PCNT: variants seen among roughly 807,000 people sequenced by gnomAD.
PCNT encodes kendrin.
In PCNT, 319 loss-of-function variants were observed where a neutral mutation model predicts 380.4. The observed-to-expected ratio is 0.84, with a 90% CI of 0.77 to 0.92. PCNT has a LOEUF of 0.92. Ranked by LOEUF, PCNT falls within the 40% of genes least tolerant of loss-of-function variation. PCNT has a pLI of 0.00. For missense variants in PCNT, 4,400 were observed against 4,255.3 expected (o/e 1.03, Z -0.95); for synonymous variants, 1,845 against 1,735.2 (o/e 1.06, Z -1.57).
At chr21:46,422,405 G>GGCCTGTGCCTCTCTCCC (rs995023163) in intron 32 of PCNT, among the ~76,000 whole-genome samples, 2 of 142,186 alleles carry the variant, frequency 1.4e-5, no homozygotes, top group African/African-American at 6.0e-5. Context: ...TCGCAGAGCC[G>GGCCTGTGCCTCTCTCCC]GCCTGTGCCT....
rs1243862144 is a variant in PCNT, at chr21:46,441,056, G to A, written c.9595G>A (p.Ala3199Thr). 2 of 1,613,514 alleles carry A rather than the reference G, an allele frequency of 1.2e-6. No individual in the cohort carries two copies. Among genetic ancestry groups the A allele is most frequent in the Non-Finnish European group, 1.7e-6 (2 of 1,179,532 alleles). The change falls in exon 43 of 47, where the codon GCC (alanine) becomes ACC (threonine). Residue 3199 changes from alanine (A) to threonine (T), a missense_variant. Ala to Thr is a moderately conservative substitution (Grantham distance 58). Transcript: ENST00000359568. ...TCGTCCTTTCACCAGGTTCCGCACG[G>A]CCGTCAGGGTGGTCATTGCAATATT... ...TSRPFTRFRTAVRVVIAILRL... is the reference protein window; with the variant it reads ...TSRPFTRFRTTVRVVIAILRL...
rs530393017 is a variant in PCNT at position 46,367,331 on chromosome 21, C to T, written c.3165+192C>T. 2.7e-3 allele frequency among the ~76,000 whole-genome samples: 406 copies of T among 148,448 alleles called. 2 individuals carry two copies. Among genetic ancestry groups the T allele is most frequent in the African/African-American group, 9.5e-3 (383 of 40,342 alleles). The stretch of plus-strand genomic sequence containing the variant: ...TGGGCTTTTTTTTTTTTTTTTGAGC[C>T]GGAGTCTCACTCTTTCGCCAGGCTG... On this transcript the variant is annotated intron_variant, in intron 15 of 46. Coordinates refer to ENST00000359568, the MANE Select transcript of PCNT (RefSeq NM_006031.6).
At chr21:46,428,360 C>G in intron 34 of PCNT, 35 bp from the exon 35 acceptor site, 1 of 1,596,258 alleles carries the variant, frequency 6.3e-7, no homozygotes, top group Non-Finnish European at 8.6e-7. Context: ...GGTGGCTGCC[C>G]AATGCTCAGG....
Position 46,427,649 on chromosome 21 carries a change from AGAGGGGACCTTCT to A in PCNT, c.7350_7362del (p.Arg2450SerfsTer77), listed in dbSNP as rs754914685. The A allele has an allele frequency of 6.2e-7, 1 of 1,613,858 alleles. No individual in the cohort carries two copies. Among genetic ancestry groups the A allele is most frequent in the Non-Finnish European group, 8.5e-7 (1 of 1,180,010 alleles). The stretch of plus-strand genomic sequence containing the variant: ...AGTGCCCACCGCGTGCCCCGATTGG[AGAGGGGACCTTCT>A]GCAGGTTGTGCAAGAGGCCTTTGAA... On this transcript the variant is annotated frameshift_variant, in exon 34 of 47. Coordinates refer to ENST00000359568, the MANE Select transcript of PCNT (RefSeq NM_006031.6). LOFTEE classifies it high-confidence loss of function.
At position 46,397,401 on chromosome 21, in the gene PCNT, C is replaced by T. The variant is rs772208866; in HGVS notation, c.4353C>T (p.Arg1451=). 8 of 1,614,144 alleles carry T rather than the reference C, an allele frequency of 5.0e-6. No homozygotes were observed. In the Admixed American group the frequency reaches 5.0e-5, roughly 10 times the overall value. Residue 1451 remains arginine, a synonymous_variant, in exon 22 of 47, where the codon CGC becomes CGT. Transcript: ENST00000359568. ...TAGAAGAACAGCTGTCTCAGCATCG[C>T]GGGTGTGCCAAGCAGGCGGAGGCCG... The part of the protein sequence containing the change: ...SELEEQLSQH[R]GCAKQAEAVT...
intron 31 of PCNT, among the ~76,000 whole-genome samples, chr21:46,419,523 GT>G (rs2087159597): frequency 1.3e-5 from 2 of 152,242 alleles, no homozygotes; most frequent in South Asian, 4.1e-4. Flanking sequence ...CACAGCCAAG[GT>G]TTGCCCTTAA....
intron 2 of PCNT, among the ~76,000 whole-genome samples, chr21:46,330,989 T>C (rs182761265): frequency 2.0e-5 from 3 of 152,300 alleles, no homozygotes; most frequent in South Asian, 4.1e-4. Flanking sequence ...GAGAGTCTAG[T>C]GAGCTTATTG....
chr21:46,344,369 C>T (rs796298984), intron 3 of PCNT, among the ~76,000 whole-genome samples: 19 of 152,316 alleles, frequency 1.2e-4, no homozygotes, highest in African/African-American at 2.2e-4. Flanking sequence ...CCACCGCGCC[C>T]GGCCCGAGCT....
At position 46,326,316 on chromosome 21, in the gene PCNT, G is replaced by T; in HGVS notation, c.55-61G>T. 8 of 1,519,324 alleles carry T rather than the reference G, an allele frequency of 5.3e-6. No individual in the cohort carries two copies. The South Asian group carries it at 6.9e-5, about 13-fold the overall frequency. 94.1% of individuals were successfully genotyped at this position (1,519,324 alleles called of 1,614,324 possible). On this transcript the variant is annotated intron_variant, in intron 1 of 46. Transcript: ENST00000359568. ...GTCCCCACCAGTCTGTTGACTTTGT[G>T]GTTCTGTTATTTTTTTCTCACTTAC...
At chr21:46,404,946 T>C (rs1161519283) in intron 27 of PCNT, among the ~76,000 whole-genome samples, 1 of 151,820 alleles carries the variant, frequency 6.6e-6, no homozygotes, top group African/African-American at 2.4e-5. Context: ...AAAACAAAAT[T>C]AACTTTATGG....
At chr21:46,361,792 G>A (rs2084729226) in intron 13 of PCNT, among the ~76,000 whole-genome samples, 1 of 152,096 alleles carries the variant, frequency 6.6e-6, no homozygotes, top group Admixed American at 6.6e-5. Context: ...TGATTCTTGA[G>A]GAGTATTTTT....
chr21:46,419,453 C>T (rs1185551440), intron 31 of PCNT, among the ~76,000 whole-genome samples: 7 of 152,238 alleles, frequency 4.6e-5, no homozygotes, highest in Non-Finnish European at 8.8e-5. Context: ...CTTCAGCCCT[C>T]CTAGCCCCTC....
At chr21:46,402,824 G>C (rs1357596959) in intron 27 of PCNT, among the ~76,000 whole-genome samples, 1 of 152,188 alleles carries the variant, frequency 6.6e-6, no homozygotes, top group Non-Finnish European at 1.5e-5. Flanking sequence ...CTCTTCTCAA[G>C]GAGGTGACTT....
intron 27 of PCNT, among the ~76,000 whole-genome samples, chr21:46,406,025 G>A (rs1009320048): frequency 2.0e-5 from 3 of 152,258 alleles, no homozygotes; most frequent in Non-Finnish European, 2.9e-5. Context: ...TCCATTTAAA[G>A]GTTTGACTCT....
rs1343602042 is a variant in PCNT at position 46,436,992 on chromosome 21, T to C, written c.9010T>C (p.Trp3004Arg). The change falls in exon 40 of 47, where the codon TGG (tryptophan) becomes CGG (arginine). Residue 3004 changes from tryptophan to arginine, a missense_variant. Trp to Arg is a moderately radical substitution (Grantham distance 101, BLOSUM62 -3). Coordinates refer to ENST00000359568, the MANE Select transcript of PCNT (RefSeq NM_006031.6). ...TTATTTTTACAGGACAGTTAATGAT[T>C]GGACGTCATCCAATGAGAAAGCAGT... ...SQAVDRTVND[W>R]TSSNEKAVMS... is the part of the protein sequence containing the mutation. 1.2e-6 allele frequency: 2 copies of C among 1,613,628 alleles called. No homozygotes were observed. The highest frequency in any genetic ancestry group is 1.3e-5 in the African/African-American group (1 of 74,926).
Position 46,427,636 on chromosome 21 carries a change from G to A in PCNT, c.7335G>A (p.Ala2445=), listed in dbSNP as rs140044774. 95 of 1,613,950 alleles carry A rather than the reference G, an allele frequency of 5.9e-5. No homozygotes were observed. The African/African-American group carries it at 1.1e-3, about 19-fold the overall frequency. ...HGGKTQEVPT[A]CPDWRGDLLQ... is the part of the protein sequence containing the mutation. ...TCTTCCTTTAGGAAGTGCCCACCGC[G>A]TGCCCCGATTGGAGAGGGGACCTTC... Residue 2445 remains alanine (A), a synonymous_variant, in exon 34 of 47, where the codon GCG becomes GCA. Transcript: ENST00000359568.
Position 46,444,778 on chromosome 21 carries a change from C to A in PCNT, c.9924C>A (p.His3308Gln). Residue 3308 changes from histidine (H) to glutamine (Q), a missense_variant, in exon 46 of 47, where the codon CAC becomes CAA. Physicochemically the swap from His to Gln is conservative, Grantham distance 24 (BLOSUM62 0). Coordinates refer to ENST00000359568, the MANE Select transcript of PCNT (RefSeq NM_006031.6). ...AACATTCCTTGACAGAGTATATTCA[C>A]CATTTAGAAGTGATCCAGCAAAGAT... ...DPEHSLTEYI[H>Q]HLEVIQQRLG... 1 of 1,613,006 alleles carries A rather than the reference C, an allele frequency of 6.2e-7. No individual in the cohort carries two copies. The highest frequency in any genetic ancestry group is 1.3e-5 in the African/African-American group (1 of 74,972).
chr21:46,432,777 A>G (rs1468562144), intron 38 of PCNT, among the ~76,000 whole-genome samples: 2 of 152,166 alleles, frequency 1.3e-5, no homozygotes, highest in African/African-American at 4.8e-5. Flanking sequence ...GGCACATGCC[A>G]CCACGCCTGG....
rs1382114528 is a variant in PCNT, at chr21:46,391,322, C to T, written c.4162C>T (p.Arg1388Cys). Residue 1388 changes from arginine (R) to cysteine (C), a missense_variant, in exon 21 of 47, where the codon CGT (arginine) becomes TGT (cysteine). Arg to Cys is a radical substitution (Grantham distance 180). Coordinates refer to ENST00000359568, the MANE Select transcript of PCNT (RefSeq NM_006031.6). The stretch of plus-strand genomic sequence containing the variant: ...GGCGGCGCTGAGGGAGGAGTGCACC[C>T]GTCTGTGGAGTCGGGGGGAGGCCAC... ...EQAALREECTRLWSRGEATAT... is the reference protein window; with the variant it reads ...EQAALREECTCLWSRGEATAT... 24 of 1,562,176 alleles carry T rather than the reference C, an allele frequency of 1.5e-5. No individual in the cohort carries two copies. The highest frequency in any genetic ancestry group is 9.5e-5 in the East Asian group (4 of 42,212).
Sources: allele counts gnomAD v4.1 joint callset (sites outside exome capture counted in the v4.1 genomes callset), GRCh38; gene constraint gnomAD v4.1.1; transcripts MANE v1.5; gene names NCBI Gene and HGNC (gene_info 2026-07-23, HGNC 2026-07-21).